SGO2: variants seen among roughly 807,000 people sequenced by gnomAD.
SGO2 encodes shugoshin 2.
SGO2 carries 68 observed loss-of-function variants against 99.5 expected under a neutral mutation model. The ratio of observed to expected loss-of-function variants is 0.68; its 90% confidence interval spans 0.56 to 0.84. SGO2 has a LOEUF of 0.84. Among genes scored for constraint, SGO2 ranks in the 40% least tolerant of loss-of-function variants. The pLI is 0.00. For missense variants in SGO2, 1,350 were observed against 1,436.7 expected (o/e 0.94, Z 0.97); for synonymous variants, 457 against 487.1 (o/e 0.94, Z 0.81).
chr2:200,575,330 C>T lies in SGO2; in HGVS notation c.3651C>T (p.Asp1217=). ...TTTCAGGTGATAGACCATTACAGGA[C>T]TTGTCAAATACCAGTTTTGTTTCAA... The part of the protein sequence containing the change: ...KSGIGDRPLQ[D]LSNTSFVSNN... Residue 1217 remains aspartate, a synonymous_variant, in exon 8 of 9, where the codon GAC becomes GAT. Transcript: ENST00000357799. 1 of 1,599,172 alleles carries T rather than the reference C, an allele frequency of 6.3e-7. No individual in the cohort carries two copies.
intron 2 of SGO2, 103 bp downstream of exon 2, chr2:200,533,211 G>A: frequency 7.8e-7 from 1 of 1,286,090 alleles, no homozygotes; most frequent in Non-Finnish European, 1.1e-6. Flanking sequence ...TTACTAAAAT[G>A]ACCATTTTGT....
chr2:200,561,741 G>A (rs551886235), intron 5 of SGO2, among the ~76,000 whole-genome samples: 1,683 of 152,090 alleles, frequency 0.011, 37 homozygotes, highest in African/African-American at 0.038. Flanking sequence ...ACTTTTTAAT[G>A]ATCGCCATTC....
At chr2:200,536,021 C>T (rs577254720) in intron 3 of SGO2, 44 bp from the exon 4 acceptor site, 1 of 1,207,716 alleles carries the variant, frequency 8.3e-7, no homozygotes, top group South Asian at 1.6e-5. Context: ...TAATAAATTA[C>T]AAGTCTTAAC....
intron 4 of SGO2, among the ~76,000 whole-genome samples, chr2:200,541,728 C>T (rs542660109): frequency 6.6e-6 from 1 of 152,144 alleles, no homozygotes; most frequent in African/African-American, 2.4e-5. Context: ...CTGTCCCAAG[C>T]CTTTTCTGAT....
At chr2:200,536,319 A>G (rs2031689438) in intron 4 of SGO2, among the ~76,000 whole-genome samples, 177 bp downstream of exon 4, 1 of 152,134 alleles carries the variant, frequency 6.6e-6, no homozygotes, top group African/African-American at 2.4e-5. Context: ...TGGTTATTGA[A>G]AATGTCATAT....
chr2:200,534,591 C>T (rs1368917975), intron 2 of SGO2, among the ~76,000 whole-genome samples: 1 of 152,194 alleles, frequency 6.6e-6, no homozygotes, highest in East Asian at 1.9e-4. Flanking sequence ...TGGCTACCCT[C>T]ATTCCTATGG....
At chr2:200,568,946 A>G (rs2033293518) in intron 5 of SGO2, among the ~76,000 whole-genome samples, 1 of 151,920 alleles carries the variant, frequency 6.6e-6, no homozygotes, top group Non-Finnish European at 1.5e-5. Flanking sequence ...TGGTATAGAA[A>G]TTTCCTCCCA....
At chr2:200,540,314 G>A (rs966070888) in intron 4 of SGO2, among the ~76,000 whole-genome samples, 1 of 152,128 alleles carries the variant, frequency 6.6e-6, no homozygotes, top group African/African-American at 2.4e-5. Flanking sequence ...ATAAGACATT[G>A]GATCTTATTT....
chr2:200,559,081 G>A (rs899985518), intron 5 of SGO2, among the ~76,000 whole-genome samples: 4 of 152,164 alleles, frequency 2.6e-5, no homozygotes, highest in African/African-American at 9.7e-5. Flanking sequence ...GGGATTACAG[G>A]CATGAGCCAC....
chr2:200,538,549 G>A (rs146139998), intron 4 of SGO2, among the ~76,000 whole-genome samples: 1 of 152,234 alleles, frequency 6.6e-6, no homozygotes, highest in East Asian at 1.9e-4. Context: ...CAGAATGTAA[G>A]CTTTTTGAGT....
chr2:200,542,550 TTTG>T, intron 4 of SGO2, 26 bp from the exon 5 acceptor site: 1 of 1,563,654 alleles, frequency 6.4e-7, no homozygotes, highest in Non-Finnish European at 8.8e-7. Context: ...GGTTAGAAAC[TTTG>T]TTTTCTTTAT....
In SGO2 at chr2:200,569,682, G is replaced by A; in HGVS notation, c.493G>A (p.Asp165Asn). ...PFARVPLTSN[D>N]DEDEDKEKMQ... ...CTTTAGGGTTCCATTAACTTCAAAT[G>A]ATGATGAAGATGAAGATAAAGAGAA... The change falls in exon 6 of 9, where the codon GAT becomes AAT. Residue 165 changes from aspartate (D) to asparagine (N), a missense_variant. Transcript: ENST00000357799. The A allele has an allele frequency of 1.2e-6, 2 of 1,606,830 alleles. No individual in the cohort carries two copies. Among genetic ancestry groups the A allele is most frequent in the Non-Finnish European group, 1.7e-6 (2 of 1,176,722 alleles).
chr2:200,535,579 G>C (rs1300159050), intron 3 of SGO2, among the ~76,000 whole-genome samples: 1 of 152,056 alleles, frequency 6.6e-6, no homozygotes, highest in African/African-American at 2.4e-5. Flanking sequence ...AATTATAGTT[G>C]TTTCTTTTCC....
intron 5 of SGO2, among the ~76,000 whole-genome samples, chr2:200,548,467 A>G (rs1400195866): frequency 6.6e-6 from 1 of 152,180 alleles, no homozygotes; most frequent in Non-Finnish European, 1.5e-5. Flanking sequence ...GGCAAAAGCA[A>G]TACTGAAAGG....
At chr2:200,533,511 T>TAA (rs1323679974) in intron 2 of SGO2, 5 of 132,080 alleles carry the variant, frequency 3.8e-5, no homozygotes, top group Non-Finnish European at 7.8e-5. Context: ...TGTATATATA[T>TAA]AATGTATATG....
chr2:200,572,212 A>C lies in SGO2; in HGVS notation c.1866A>C (p.Ile622=). The change falls in exon 7 of 9, where the codon ATA becomes ATC. Residue 622 remains isoleucine, a synonymous_variant. Coordinates refer to ENST00000357799, the MANE Select transcript of SGO2 (RefSeq NM_152524.6). The part of the protein sequence containing the change: ...LRKKVNRKTE[I]ISGMNHMYED... ...AGAAAGTAAACCGGAAGACAGAAAT[A>C]ATTTCTGGAATGAACCACATGTATG... The C allele has an allele frequency of 6.2e-7, 1 of 1,612,732 alleles. No individual in the cohort carries two copies. The highest frequency in any genetic ancestry group is 2.2e-5 in the East Asian group (1 of 44,850).
rs1437036699 is a variant in SGO2, at chr2:200,560,398, GTATC to G, written c.474-9259_474-9256del. On this transcript the variant is annotated intron_variant, in intron 5 of 8. Coordinates refer to ENST00000357799, the MANE Select transcript of SGO2 (RefSeq NM_152524.6). The stretch of plus-strand genomic sequence containing the variant: ...TCAGGTGTCATTTTATCATCTTCAG[GTATC>G]TATCTTTTTCTGTTGAAAAGTTAGC... Among the ~76,000 whole-genome samples, 6 of 151,760 alleles carry G rather than the reference GTATC, an allele frequency of 4.0e-5. No individual in the cohort carries two copies. In the South Asian group the frequency reaches 6.2e-4, roughly 16 times the overall value.
chr2:200,532,878 A>T lies in SGO2; in HGVS notation c.-2-96A>T. 5 of 1,233,104 alleles carry T rather than the reference A, an allele frequency of 4.1e-6. No individual in the cohort carries two copies. In the South Asian group the frequency reaches 5.9e-5, roughly 15 times the overall value. The allele number at this position is 1,233,104 out of a possible 1,614,324, so 76.4% of individuals were successfully genotyped here. ...TTAGCAAATACTTAATGCACAAAGT[A>T]TATTAAGTCATGATTGTTACTTTTT... On this transcript the variant is annotated intron_variant, in intron 1 of 8. Transcript: ENST00000357799.
Position 200,568,359 on chromosome 2 carries a change from A to G in SGO2, c.474-1304A>G, listed in dbSNP as rs142514804. On this transcript the variant is annotated intron_variant, in intron 5 of 8. Transcript: ENST00000357799. ...ATTAGATTGCACCTGGGTATTGTGT[A>G]TCCCTTGTTGGAGAAAATGTAGATT... Among the ~76,000 whole-genome samples, 69 of 152,296 alleles carry G rather than the reference A, an allele frequency of 4.5e-4. 1 individual carries two copies. In the East Asian group the frequency reaches 0.013, roughly 29 times the overall value.
Sources: allele counts gnomAD v4.1 joint callset (sites outside exome capture counted in the v4.1 genomes callset), GRCh38; gene constraint gnomAD v4.1.1; transcripts MANE v1.5; gene names NCBI Gene and HGNC (gene_info 2026-07-23, HGNC 2026-07-21).